Variants in FAM47E observed in about 807,000 individuals in gnomAD.
FAM47E encodes family with sequence similarity 47 member E.
FAM47E carries 32 observed loss-of-function variants against 41.6 expected under a neutral mutation model. The ratio of observed to expected loss-of-function variants is 0.77; its 90% confidence interval spans 0.58 to 1.03. FAM47E has a LOEUF of 1.03. FAM47E is among the 50% of genes least tolerant of loss of function. The probability of loss-of-function intolerance (pLI) is 0.00; values close to 1 mark genes in which losing one functional copy is unlikely to be tolerated. For synonymous variants in FAM47E, 184 were observed against 188.7 expected (o/e 0.98, Z 0.20); for missense variants, 424 against 485.4 (o/e 0.87, Z 1.19).
At chr4:76,245,558 C>T (rs1234651882) in intron 2 of FAM47E, among the ~76,000 whole-genome samples, 1 of 152,156 alleles carries the variant, frequency 6.6e-6, no homozygotes, top group African/African-American at 2.4e-5. Flanking sequence ...TTCCACTAGC[C>T]GAACCCAGCC....
At chr4:76,251,293 C>G (rs911687941), upstream of FAM47E, among the ~76,000 whole-genome samples, 1 of 152,106 alleles carries the variant, frequency 6.6e-6, no homozygotes, top group Non-Finnish European at 1.5e-5. Flanking sequence ...AAGAGAGTTC[C>G]AAGACCTCCA....
At chr4:76,273,759 G>A (rs144272476) in intron 5 of FAM47E, among the ~76,000 whole-genome samples, 77 of 151,946 alleles carry the variant, frequency 5.1e-4, no homozygotes, top group African/African-American at 1.7e-3. Context: ...CTGTAATTAG[G>A]CCGCTTGAAG....
At chr4:76,251,007 G>A (rs115376744), upstream of FAM47E, among the ~76,000 whole-genome samples, 141 of 152,166 alleles carry the variant, frequency 9.3e-4, no homozygotes, top group African/African-American at 3.3e-3. Context: ...TAAGTACCCT[G>A]CCCCCAGGAG....
chr4:76,216,757 T>C (rs1733215043), intron 1 of FAM47E, among the ~76,000 whole-genome samples: 1 of 152,128 alleles, frequency 6.6e-6, no homozygotes, highest in Non-Finnish European at 1.5e-5. Context: ...CGAATGAAAA[T>C]CTCTTTCTTG....
chr4:76,254,755 A>G (rs1162694652), intron 1 of FAM47E, among the ~76,000 whole-genome samples: 1 of 152,236 alleles, frequency 6.6e-6, no homozygotes, highest in African/African-American at 2.4e-5. Context: ...CAAAGACTCT[A>G]GAATTACCTA....
intron 5 of FAM47E, among the ~76,000 whole-genome samples, chr4:76,274,470 A>G (rs1255713852): frequency 6.6e-6 from 1 of 152,186 alleles, no homozygotes; most frequent in Non-Finnish European, 1.5e-5. Context: ...AGTCCCAGCT[A>G]CTTGGGAGGC....
At chr4:76,219,483 T>C (rs1733270175) in intron 2 of FAM47E, among the ~76,000 whole-genome samples, 1 of 152,260 alleles carries the variant, frequency 6.6e-6, no homozygotes, top group African/African-American at 2.4e-5. Flanking sequence ...CAAGGCTGTC[T>C]GATTTCCTGC....
chr4:76,229,488 C>T (rs1324427222), intron 2 of FAM47E, among the ~76,000 whole-genome samples: 1 of 152,182 alleles, frequency 6.6e-6, no homozygotes, highest in African/African-American at 2.4e-5. Context: ...GTGGAAAAAG[C>T]TGGAACTCAA....
chr4:76,238,772 C>T (rs1441918), intron 2 of FAM47E, among the ~76,000 whole-genome samples: 113,866 of 152,018 alleles, frequency 0.75, 43,206 homozygotes, highest in East Asian at 0.82. Flanking sequence ...ATACATAACA[C>T]AAAATTTACT....
intron 3 of FAM47E, among the ~76,000 whole-genome samples, chr4:76,266,893 T>C (rs947565791): frequency 1.3e-5 from 2 of 152,232 alleles, no homozygotes; most frequent in African/African-American, 4.8e-5. Flanking sequence ...TTCTTTTCTG[T>C]CTGTTATCTG....
At chr4:76,276,016 A>G (rs1017117021) in intron 5 of FAM47E, among the ~76,000 whole-genome samples, 2 of 135,078 alleles carry the variant, frequency 1.5e-5, no homozygotes, top group African/African-American at 5.2e-5. Context: ...TGCATGGGAC[A>G]GACAGACAGA....
intron 2 of FAM47E, among the ~76,000 whole-genome samples, chr4:76,223,717 C>T (rs1048917557): frequency 1.3e-5 from 2 of 152,160 alleles, no homozygotes; most frequent in Admixed American, 6.5e-5. Flanking sequence ...CAGGTTAGTC[C>T]ATAGTCCCTC....
chr4:76,283,321 G>A, intron 7 of FAM47E, 60 bp from the exon 8 acceptor site: 4 of 950,526 alleles, frequency 4.2e-6, no homozygotes, highest in Non-Finnish European at 6.6e-6. Flanking sequence ...GTTGTGGGGA[G>A]GACTGTACTG....
In FAM47E at chr4:76,277,624, G is replaced by T. The variant is rs2110027016; in HGVS notation, c.871-445G>T. 2.0e-5 allele frequency among the ~76,000 whole-genome samples: 3 copies of T among 152,254 alleles called. No individual in the cohort carries two copies. The South Asian group carries it at 6.2e-4, about 32-fold the overall frequency. On this transcript the variant is annotated intron_variant, in intron 5 of 7. Coordinates refer to ENST00000424749, the MANE Select transcript of FAM47E (RefSeq NM_001136570.3). The stretch of plus-strand genomic sequence containing the variant: ...CACTATTTAATAACTTACTATTTTG[G>T]TTGACTGAGTATTGTTCAAGGTCTT...
At chr4:76,227,863 G>A (rs573224336) in intron 2 of FAM47E, among the ~76,000 whole-genome samples, 27 of 152,174 alleles carry the variant, frequency 1.8e-4, no homozygotes, top group Non-Finnish European at 3.1e-4. Context: ...CTTGCTTTTG[G>A]TGTTCATTTG....
chr4:76,256,591 T>G, intron 2 of FAM47E, 68 bp downstream of exon 2: 2 of 1,451,040 alleles, frequency 1.4e-6, no homozygotes, highest in African/African-American at 1.4e-5. Flanking sequence ...TCTAAATGTC[T>G]AGGAAGTCCC....
intron 7 of FAM47E, chr4:76,280,584 GATCTTTGACTC>G (rs1735303971): frequency 5.4e-6 from 2 of 371,126 alleles, no homozygotes; most frequent in Non-Finnish European, 9.7e-6. Context: ...ATTTCCCTGT[GATCTTTGACTC>G]ATCTTCCTTG....
At chr4:76,229,564 T>C (rs566540041) in intron 2 of FAM47E, among the ~76,000 whole-genome samples, 1 of 152,340 alleles carries the variant, frequency 6.6e-6, no homozygotes, top group South Asian at 2.1e-4. Flanking sequence ...TCCCTTTCCC[T>C]AGGGACGTGG....
intron 2 of FAM47E, among the ~76,000 whole-genome samples, chr4:76,243,585 C>A (rs962203118): frequency 3.9e-5 from 6 of 152,180 alleles, no homozygotes; most frequent in Non-Finnish European, 1.5e-5. Flanking sequence ...ATTGCTTAAT[C>A]TTAAATTCAT....
Sources: gnomAD v4.1 joint callset for allele counts (sites outside exome capture counted in the v4.1 genomes callset) on GRCh38, gnomAD v4.1.1 for gene constraint, MANE v1.5 for transcripts, NCBI Gene and HGNC (gene_info 2026-07-23, HGNC 2026-07-21) for gene names.